Variants in COLGALT2 observed in about 807,000 individuals in gnomAD.
COLGALT2 encodes procollagen galactosyltransferase 2.
Under a neutral mutation model 73.4 loss-of-function variants are expected in COLGALT2, and 49 were observed. The ratio of observed to expected loss-of-function variants is 0.67; its 90% CI spans 0.53 to 0.85. The LOEUF is 0.85. Among genes scored for constraint, COLGALT2 ranks in the 40% least tolerant of loss-of-function variants. The pLI, the probability that COLGALT2 is intolerant of heterozygous loss-of-function variation, is 0.00. For synonymous variants in COLGALT2, 295 were observed against 307.6 expected (o/e 0.96, Z 0.43); for missense variants, 722 against 790.2 (o/e 0.91, Z 1.03).
intron 3 of COLGALT2, among the ~76,000 whole-genome samples, chr1:183,974,048 A>G (rs1387664925): frequency 2.0e-5 from 3 of 152,252 alleles, no homozygotes; most frequent in Non-Finnish European, 4.4e-5. Flanking sequence ...TTTTAGGCAC[A>G]AGATATTAAT....
At position 183,969,489 on chromosome 1, in the gene COLGALT2, T is replaced by C. The variant is rs1288536466; in HGVS notation, c.628-16A>G. The C allele has an allele frequency of 1.3e-6, 2 of 1,590,446 alleles. No individual in the cohort carries two copies. Among genetic ancestry groups the C allele is most frequent in the Admixed American group, 1.8e-5 (1 of 57,098 alleles). On this transcript the variant is annotated splice_polypyrimidine_tract_variant and intron_variant, in intron 4 of 11. Coordinates refer to ENST00000361927, the MANE Select transcript of COLGALT2 (RefSeq NM_015101.4). ...TATAGAAGCCCTGTAAAAGAGCAAATAGGTGGGTTGTGTTTTCTGATTTGA... is the reference window on the plus strand; with the variant it reads ...TATAGAAGCCCTGTAAAAGAGCAAACAGGTGGGTTGTGTTTTCTGATTTGA...
At chr1:184,024,297 G>C (rs1042877648) in intron 1 of COLGALT2, among the ~76,000 whole-genome samples, 15 of 152,094 alleles carry the variant, frequency 9.9e-5, no homozygotes, top group African/African-American at 3.6e-4. Context: ...AGATATTACT[G>C]GTACTGGAAT....
At chr1:183,999,300 T>C (rs973443293) in intron 1 of COLGALT2, among the ~76,000 whole-genome samples, 1 of 152,178 alleles carries the variant, frequency 6.6e-6, no homozygotes, top group Admixed American at 6.5e-5. Flanking sequence ...AACTTTCCAT[T>C]CCTGGTGTAA....
chr1:183,998,398 A>G (rs1253669786), intron 1 of COLGALT2, among the ~76,000 whole-genome samples: 1 of 152,006 alleles, frequency 6.6e-6, no homozygotes, highest in Non-Finnish European at 1.5e-5. Context: ...GATTCTCTAC[A>G]TTATTTCTCT....
In COLGALT2 at chr1:183,973,756, A is replaced by G. The variant is rs1343214158; in HGVS notation, c.493-6T>C. 2.0e-5 allele frequency: 33 copies of G among 1,612,656 alleles called. No homozygotes were observed. Among genetic ancestry groups the G allele is most frequent in the Non-Finnish European group, 2.8e-5 (33 of 1,179,164 alleles). ...AAATTGTCAACATCTATGAACTAGG[A>G]AAAGAAAAGGATAATGTTAGGTGAA... On this transcript the variant is annotated splice_region_variant and splice_polypyrimidine_tract_variant and intron_variant, in intron 3 of 11. Coordinates refer to ENST00000361927, the MANE Select transcript of COLGALT2 (RefSeq NM_015101.4).
downstream of COLGALT2, among the ~76,000 whole-genome samples, chr1:183,934,451 G>A (rs185212173): frequency 6.6e-5 from 10 of 152,224 alleles, no homozygotes; most frequent in Admixed American, 3.3e-4. Flanking sequence ...AAGGACAGCC[G>A]GTTCCCCTGA....
rs1176948360 is a variant in COLGALT2 at position 183,938,066 on chromosome 1, A to C, written c.*695T>G. The C allele has an allele frequency of 1.0e-5, 10 of 985,368 alleles. No homozygotes were observed. The highest frequency in any genetic ancestry group is 1.2e-5 in the Non-Finnish European group (10 of 829,990). 61.0% of individuals were successfully genotyped at this position (985,368 alleles called of 1,614,324 possible). On this transcript the variant is annotated 3_prime_UTR_variant, in exon 12 of 12. Coordinates refer to ENST00000361927, the MANE Select transcript of COLGALT2 (RefSeq NM_015101.4). ...CCCTCAAATACCTACACAAACTGTC[A>C]AATATCTACTAAATTATATCCACAT... is the stretch of plus-strand genomic sequence containing the variant.
In COLGALT2 at chr1:183,978,481, T is replaced by G. The variant is rs775934265; in HGVS notation, c.303A>C (p.Ile101=). ...TDHNVDNTTE[I]FREWLKNVQR... The stretch of plus-strand genomic sequence containing the variant: ...GTACATTTTTCAACCACTCCCTGAA[T>G]ATTTCTGTTGTATTATCCACATTGT... The change falls in exon 2 of 12, where the codon ATA becomes ATC. Residue 101 remains isoleucine, a synonymous_variant. Transcript: ENST00000361927. 1 of 1,612,126 alleles carries G rather than the reference T, an allele frequency of 6.2e-7. No individual in the cohort carries two copies. The highest frequency in any genetic ancestry group is 1.1e-5 in the South Asian group (1 of 91,018).
At chr1:184,036,821 C>G (rs1439436722) in intron 1 of COLGALT2, among the ~76,000 whole-genome samples, 1 of 152,218 alleles carries the variant, frequency 6.6e-6, no homozygotes, top group Non-Finnish European at 1.5e-5. Flanking sequence ...GACAAAGCCC[C>G]AATTCGCAGG....
intron 1 of COLGALT2, among the ~76,000 whole-genome samples, chr1:183,986,819 T>C (rs1377163051): frequency 2.0e-5 from 3 of 152,150 alleles, no homozygotes; most frequent in African/African-American, 7.2e-5. Context: ...AGGTTATGAT[T>C]TGCTCAAGTC....
intron 1 of COLGALT2, among the ~76,000 whole-genome samples, chr1:184,000,463 G>C (rs1671888755): frequency 6.7e-6 from 1 of 149,862 alleles, no homozygotes; most frequent in South Asian, 2.2e-4. Context: ...TCAATACAAG[G>C]AACTTAGAAT....
downstream of COLGALT2, among the ~76,000 whole-genome samples, chr1:183,933,034 G>A (rs1044497162): frequency 2.0e-5 from 3 of 152,140 alleles, no homozygotes; most frequent in African/African-American, 4.8e-5. Context: ...AGCATTGGGG[G>A]CACTGGACAT....
chr1:183,935,115 T>C (rs548903212), downstream of COLGALT2, among the ~76,000 whole-genome samples: 205 of 152,342 alleles, frequency 1.3e-3, 1 homozygote, highest in African/African-American at 4.7e-3. Context: ...CCACCCACTG[T>C]GCCCAGCCCT....
intron 7 of COLGALT2, 149 bp downstream of exon 7, chr1:183,954,613 C>A: frequency 2.0e-6 from 1 of 497,784 alleles, no homozygotes; most frequent in Non-Finnish European, 3.6e-6. Flanking sequence ...ACAACAAAAA[C>A]CAAGTAGTTT....
rs1670187854 is a variant in COLGALT2 at position 183,944,208 on chromosome 1, T to G, written c.1385A>C (p.Asp462Ala). 6.2e-7 allele frequency: 1 copy of G among 1,612,742 alleles called. No homozygotes were observed. Among genetic ancestry groups the G allele is most frequent in the East Asian group, 2.2e-5 (1 of 44,872 alleles). ...TCTTGTCACTCACATCAGTTCCCAG[T>G]CCAGCTGAGCCTGGTCAATGTTATC... ...LMDNIDQAQL[D>A]WELIYIGRKR... Residue 462 changes from aspartate (D) to alanine (A), a missense_variant, in exon 10 of 12, where the codon GAC (aspartate) becomes GCC (alanine). Asp to Ala is a moderately radical substitution (Grantham distance 126). Coordinates refer to ENST00000361927, the MANE Select transcript of COLGALT2 (RefSeq NM_015101.4).
Position 183,938,684 on chromosome 1 carries a change from T to TG in COLGALT2, c.*76dup. On this transcript the variant is annotated 3_prime_UTR_variant, in exon 12 of 12. Coordinates refer to ENST00000361927, the MANE Select transcript of COLGALT2 (RefSeq NM_015101.4). The stretch of plus-strand genomic sequence containing the variant: ...CTAAGAACAAAACAAAACAGAAAAC[T>TG]GGAGCAAACAGATGAATAGCCCTTT... 2 of 1,548,952 alleles carry TG rather than the reference T, an allele frequency of 1.3e-6. No individual in the cohort carries two copies. The highest frequency in any genetic ancestry group is 1.7e-6 in the Non-Finnish European group (2 of 1,148,618).
intron 1 of COLGALT2, among the ~76,000 whole-genome samples, chr1:184,006,835 A>G (rs12756229): frequency 0.095 from 14,467 of 152,118 alleles, 863 homozygotes; most frequent in Admixed American, 0.17. Context: ...CTAATAACGT[A>G]TTTTCCCTCC....
At position 183,944,207 on chromosome 1, in the gene COLGALT2, G is replaced by A. The variant is rs1172717066; in HGVS notation, c.1386C>T (p.Asp462=). The change falls in exon 10 of 12, where the codon GAC becomes GAT. Residue 462 remains aspartate (D), a synonymous_variant. Coordinates refer to ENST00000361927, the MANE Select transcript of COLGALT2 (RefSeq NM_015101.4). ...LMDNIDQAQL[D]WELIYIGRKR... ...ATCTTGTCACTCACATCAGTTCCCAGTCCAGCTGAGCCTGGTCAATGTTAT... is the reference window on the plus strand; with the variant it reads ...ATCTTGTCACTCACATCAGTTCCCAATCCAGCTGAGCCTGGTCAATGTTAT... 6.2e-7 allele frequency: 1 copy of A among 1,612,570 alleles called. No individual in the cohort carries two copies. The highest frequency in any genetic ancestry group is 2.2e-5 in the East Asian group (1 of 44,864).
chr1:184,023,580 C>T (rs1193152810), intron 1 of COLGALT2, among the ~76,000 whole-genome samples: 1 of 149,216 alleles, frequency 6.7e-6, no homozygotes, highest in Non-Finnish European at 1.5e-5. Context: ...ACACACATAT[C>T]GTTTCCCATC....
Sources: gnomAD v4.1 joint callset for allele counts (sites outside exome capture counted in the v4.1 genomes callset) on GRCh38, gnomAD v4.1.1 for gene constraint, MANE v1.5 for transcripts, NCBI Gene and HGNC (gene_info 2026-07-23, HGNC 2026-07-21) for gene names.